Variants in LDB2 observed in about 807,000 individuals in gnomAD.
LDB2 encodes the protein LIM domain-binding protein 2.
LDB2 carries 12 observed loss-of-function variants against 44.3 expected under a neutral mutation model. The ratio of observed to expected loss-of-function variants is 0.27; its 90% CI spans 0.17 to 0.44. The LOEUF is 0.44. Ranked by LOEUF, LDB2 falls within the 20% of genes least tolerant of loss-of-function variation. The pLI is 1.00. For synonymous variants in LDB2, 164 were observed against 174.8 expected (o/e 0.94, Z 0.49); for missense variants, 344 against 473.5 (o/e 0.73, Z 2.54).
intron 2 of LDB2, among the ~76,000 whole-genome samples, chr4:16,752,931 T>G (rs1403577458): frequency 6.6e-6 from 1 of 151,636 alleles, no homozygotes; most frequent in Non-Finnish European, 1.5e-5. Flanking sequence ...AATTACTTTA[T>G]GGAAGACCAA....
chr4:16,724,287 G>T (rs1476204909), intron 2 of LDB2, among the ~76,000 whole-genome samples: 1 of 151,810 alleles, frequency 6.6e-6, no homozygotes, highest in Non-Finnish European at 1.5e-5. Context: ...CTGGGTATCT[G>T]TGTTCTATTA....
chr4:16,568,341 A>C (rs1406873703), intron 5 of LDB2, among the ~76,000 whole-genome samples: 1 of 152,196 alleles, frequency 6.6e-6, no homozygotes, highest in African/African-American at 2.4e-5. Flanking sequence ...CGGGAGTACA[A>C]AGGATTTATT....
chr4:16,830,377 G>A (rs1783846920), intron 1 of LDB2, among the ~76,000 whole-genome samples: 1 of 152,130 alleles, frequency 6.6e-6, no homozygotes, highest in South Asian at 2.1e-4. Flanking sequence ...TGTGAAGAAG[G>A]TGCCTATTAT....
intron 1 of LDB2, among the ~76,000 whole-genome samples, chr4:16,789,824 C>G (rs1342570741): frequency 1.3e-5 from 2 of 152,084 alleles, no homozygotes; most frequent in Non-Finnish European, 2.9e-5. Context: ...CCCAGCTACT[C>G]GAGAGGCTGA....
At chr4:16,632,640 GTC>G (rs1732323778) in intron 2 of LDB2, among the ~76,000 whole-genome samples, 1 of 152,154 alleles carries the variant, frequency 6.6e-6, no homozygotes, top group Non-Finnish European at 1.5e-5. Flanking sequence ...GGAAGTCATT[GTC>G]TCTGTTTGCA....
intron 1 of LDB2, among the ~76,000 whole-genome samples, chr4:16,856,155 T>G (rs1789313606): frequency 6.6e-6 from 1 of 152,120 alleles, no homozygotes; most frequent in Non-Finnish European, 1.5e-5. Flanking sequence ...CACCCTTTAT[T>G]AAACAAATAT....
At chr4:16,684,404 C>T (rs925415839) in intron 2 of LDB2, among the ~76,000 whole-genome samples, 13 of 152,246 alleles carry the variant, frequency 8.5e-5, no homozygotes, top group African/African-American at 2.4e-4. Context: ...TATTTCTGTC[C>T]AATCATAATA....
rs576144719 is a variant in LDB2, at chr4:16,609,615, C to A, written c.236-13740G>T. 2.0e-5 allele frequency among the ~76,000 whole-genome samples: 3 copies of A among 152,276 alleles called. No homozygotes were observed. In the East Asian group the frequency reaches 5.8e-4, roughly 30 times the overall value. On this transcript the variant is annotated intron_variant, in intron 2 of 7. Transcript: ENST00000304523. ...GGCCAGAGTGCCTCTTCAGGCCCAACCCTGACCTATCCTCCCTCAGGCAGT... is the reference window on the plus strand; with the variant it reads ...GGCCAGAGTGCCTCTTCAGGCCCAAACCTGACCTATCCTCCCTCAGGCAGT...
chr4:16,753,682 T>C (rs1008304451), intron 2 of LDB2, among the ~76,000 whole-genome samples: 4 of 152,158 alleles, frequency 2.6e-5, no homozygotes, highest in Non-Finnish European at 5.9e-5. Context: ...TTGGCTAGTG[T>C]GGCCATGAAT....
At chr4:16,844,603 A>C (rs78014662) in intron 1 of LDB2, among the ~76,000 whole-genome samples, 4,149 of 152,228 alleles carry the variant, frequency 0.027, 199 homozygotes, top group African/African-American at 0.095. Context: ...AAAGTGTTTT[A>C]ATGTTAAGAA....
chr4:16,791,497 G>A (rs1775721975), intron 1 of LDB2, among the ~76,000 whole-genome samples: 1 of 131,362 alleles, frequency 7.6e-6, no homozygotes. Context: ...GGAGGTTGCA[G>A]TGAGCTGAGG....
At chr4:16,534,016 T>A (rs929613569) in intron 5 of LDB2, among the ~76,000 whole-genome samples, 32 of 152,208 alleles carry the variant, frequency 2.1e-4, no homozygotes, top group Admixed American at 5.9e-4. Context: ...TACAGCAGCA[T>A]AGCCTTTGTG....
At chr4:16,681,615 ATTCT>A in intron 2 of LDB2, among the ~76,000 whole-genome samples, 1 of 106,872 alleles carries the variant, frequency 9.4e-6, no homozygotes, top group South Asian at 2.9e-4. Context: ...ATTGTATTCT[ATTCT>A]TTTTTTTTTT....
intron 1 of LDB2, among the ~76,000 whole-genome samples, chr4:16,875,408 A>T (rs1718071604): frequency 6.6e-6 from 1 of 152,182 alleles, no homozygotes; most frequent in African/African-American, 2.4e-5. Context: ...GGACCAACTG[A>T]ATCAAAGAGT....
intron 5 of LDB2, among the ~76,000 whole-genome samples, chr4:16,531,472 G>A (rs1490884122): frequency 6.6e-6 from 1 of 152,198 alleles, no homozygotes; most frequent in Admixed American, 6.5e-5. Flanking sequence ...CAGGAGTTCT[G>A]CATCAAATCC....
intron 1 of LDB2, among the ~76,000 whole-genome samples, chr4:16,815,500 G>A (rs1034008588): frequency 6.6e-6 from 1 of 152,166 alleles, no homozygotes; most frequent in Non-Finnish European, 1.5e-5. Context: ...TTGAAATCTA[G>A]TACCCTTTCC....
intron 2 of LDB2, among the ~76,000 whole-genome samples, chr4:16,632,319 C>A (rs976198948): frequency 6.6e-6 from 1 of 152,124 alleles, no homozygotes; most frequent in Admixed American, 6.5e-5. Context: ...ATAAACAGAA[C>A]CAATGACAAA....
At chr4:16,524,896 T>C (rs1382197451) in intron 5 of LDB2, among the ~76,000 whole-genome samples, 1 of 152,172 alleles carries the variant, frequency 6.6e-6, no homozygotes, top group Non-Finnish European at 1.5e-5. Context: ...AATATACAGC[T>C]TTTATAGCAT....
At chr4:16,858,613 T>G (rs2110239870) in intron 1 of LDB2, among the ~76,000 whole-genome samples, 2 of 152,338 alleles carry the variant, frequency 1.3e-5, no homozygotes, top group South Asian at 4.1e-4. Flanking sequence ...GGTCCTCGAC[T>G]TTATCACCCA....
Sources: allele counts gnomAD v4.1 joint callset (sites outside exome capture counted in the v4.1 genomes callset), GRCh38; gene constraint gnomAD v4.1.1; transcripts MANE v1.5; gene names NCBI Gene and HGNC (gene_info 2026-07-23, HGNC 2026-07-21).